The following MMP26 variants were observed in gnomAD, a reference collection of about 807,000 sequenced individuals.
MMP26 encodes the protein matrix metalloproteinase-26.
Under a neutral mutation model 31.0 loss-of-function variants are expected in MMP26, and 33 were observed. The ratio of observed to expected loss-of-function variants is 1.06; its 90% CI spans 0.81 to 1.42. MMP26 has a LOEUF of 1.42. MMP26 is among the 40% of genes most tolerant of loss of function. The probability of loss-of-function intolerance (pLI) is 0.00; values close to 1 mark genes in which losing one functional copy is unlikely to be tolerated. For synonymous variants in MMP26, 122 were observed against 114.9 expected (o/e 1.06, Z -0.40); for missense variants, 347 against 316.1 (o/e 1.10, Z -0.74).
intron 1 of MMP26, among the ~76,000 whole-genome samples, chr11:4,764,404 A>T (rs190395061): frequency 1.4e-3 from 207 of 152,270 alleles, no homozygotes; most frequent in Non-Finnish European, 9.3e-4. Context: ...CCTTTTTCTG[A>T]TAAGTGTCCC....
intron 2 of MMP26, chr11:4,944,175 C>A (rs1589946735): frequency 2.3e-6 from 1 of 430,888 alleles, no homozygotes; most frequent in Non-Finnish European, 4.6e-6. Flanking sequence ...TTGCCCTGAT[C>A]TGATGATAGG....
intron 2 of MMP26, chr11:4,859,812 G>A: frequency 2.1e-6 from 1 of 471,444 alleles, no homozygotes; most frequent in Non-Finnish European, 4.4e-6. Flanking sequence ...CATAGAAGAG[G>A]AGCACGGTAG....
chr11:4,813,983 G>T (rs543490123), intron 2 of MMP26, among the ~76,000 whole-genome samples: 3 of 152,100 alleles, frequency 2.0e-5, no homozygotes, highest in Admixed American at 1.3e-4. Context: ...TAAACAGGCC[G>T]TGTACAGCAA....
At chr11:4,726,340 G>A (rs1442825269) in intron 1 of MMP26, among the ~76,000 whole-genome samples, 4 of 151,406 alleles carry the variant, frequency 2.6e-5, no homozygotes, top group East Asian at 1.9e-4. Context: ...GCATGTGCCT[G>A]TAGTCCCAGC....
intron 2 of MMP26, among the ~76,000 whole-genome samples, chr11:4,887,880 G>C (rs1478134002): frequency 6.6e-6 from 1 of 152,046 alleles, no homozygotes; most frequent in Non-Finnish European, 1.5e-5. Context: ...GAATGTTTGA[G>C]GTCACAGAAA....
At chr11:4,891,480 A>C (rs1417955292) in intron 2 of MMP26, among the ~76,000 whole-genome samples, 3 of 152,196 alleles carry the variant, frequency 2.0e-5, no homozygotes, top group African/African-American at 7.2e-5. Flanking sequence ...CCCATCTCCA[A>C]CATTGGGAAT....
chr11:4,714,939 C>CAA (rs1847908072), intron 1 of MMP26, among the ~76,000 whole-genome samples: 1 of 152,002 alleles, frequency 6.6e-6, no homozygotes, highest in South Asian at 2.1e-4. Flanking sequence ...CACACACACA[C>CAA]ACACACACAC....
chr11:4,711,294 A>G (rs1215176416), intron 1 of MMP26: 2 of 152,236 alleles, frequency 1.3e-5, no homozygotes, highest in Non-Finnish European at 2.9e-5. Flanking sequence ...GTTAGTATAC[A>G]AAGTACTTAC....
chr11:4,755,611 T>A lies in MMP26; in HGVS notation c.-216-11659T>A, dbSNP rs138668826. ...GTATTAGCCCATGTACAAAAGAGAG[T>A]GAAATAAAACAGCACATTTTGGGAA... On this transcript the variant is annotated intron_variant, in intron 1 of 7. Transcript: ENST00000380390. Among the ~76,000 whole-genome samples the A allele has an allele frequency of 8.8e-4, 134 of 151,816 alleles. 1 individual carries two copies. The highest frequency in any genetic ancestry group is 3.0e-3 in the Admixed American group (45 of 15,246).
intron 2 of MMP26, among the ~76,000 whole-genome samples, chr11:4,802,657 T>C (rs1849199140): frequency 6.6e-6 from 1 of 152,162 alleles, no homozygotes; most frequent in African/African-American, 2.4e-5. Context: ...AAAAATACAC[T>C]AAAGTATAAA....
At chr11:4,870,295 G>A (rs1015248393) in intron 2 of MMP26, among the ~76,000 whole-genome samples, 6 of 152,004 alleles carry the variant, frequency 3.9e-5, no homozygotes, top group African/African-American at 1.4e-4. Flanking sequence ...TGTAAATAAT[G>A]TATTATCTTT....
intron 1 of MMP26, among the ~76,000 whole-genome samples, chr11:4,731,701 T>A (rs1488463860): frequency 6.6e-6 from 1 of 152,268 alleles, no homozygotes; most frequent in East Asian, 1.9e-4. Flanking sequence ...AAAGAGTTTT[T>A]GTGCATGTGT....
chr11:4,786,286 G>A (rs938768697), intron 2 of MMP26, among the ~76,000 whole-genome samples: 1 of 152,096 alleles, frequency 6.6e-6, no homozygotes, highest in African/African-American at 2.4e-5. Flanking sequence ...TCTGCATGAA[G>A]AGGAATAACT....
At chr11:4,744,699 A>G (rs1426494273) in intron 1 of MMP26, among the ~76,000 whole-genome samples, 5 of 152,212 alleles carry the variant, frequency 3.3e-5, no homozygotes, top group African/African-American at 4.8e-5. Context: ...GTCATTCTGC[A>G]TGCCCAAATC....
chr11:4,915,343 A>G, intron 2 of MMP26: 1 of 1,614,020 alleles, frequency 6.2e-7, no homozygotes. Flanking sequence ...AGTGAATGAA[A>G]AAGAGCTGAG....
At chr11:4,783,077 C>T (rs951162579) in intron 2 of MMP26, among the ~76,000 whole-genome samples, 10 of 152,248 alleles carry the variant, frequency 6.6e-5, no homozygotes, top group Admixed American at 1.3e-4. Flanking sequence ...CCTACTGGGG[C>T]ACCACCTAGT....
Position 4,953,797 on chromosome 11 carries a change from A to AT in MMP26, c.-144-34270dup, listed in dbSNP as rs1354114514. On this transcript the variant is annotated intron_variant, in intron 2 of 7. Transcript: ENST00000380390. The stretch of plus-strand genomic sequence containing the variant: ...CTTGGCGTGTTGGCTCACGCCTGTA[A>AT]TACCAGCACTTTGGGAGGCCAAGGC... 1.6e-5 allele frequency among the ~76,000 whole-genome samples: 2 copies of AT among 125,588 alleles called. 1 individual carries two copies. Among genetic ancestry groups the AT allele is most frequent in the Non-Finnish European group, 3.6e-5 (2 of 55,414 alleles). The allele number at this position is 125,588 out of a possible 152,430, so 82.4% of individuals were successfully genotyped here.
rs373041594 is a variant in MMP26 at position 4,948,564 on chromosome 11, G to A, written c.-144-39504G>A. On this transcript the variant is annotated intron_variant, in intron 2 of 7. Transcript: ENST00000380390. The stretch of plus-strand genomic sequence containing the variant: ...TGTATTATTTTTAGCATTCTAAACT[G>A]ACTACTAGTTGATTCTAGTGGATAA... Among the ~76,000 whole-genome samples, 33 of 123,878 alleles carry A rather than the reference G, an allele frequency of 2.7e-4. 5 individuals carry two copies. In the East Asian group the frequency reaches 7.6e-3, roughly 28 times the overall value. The allele number at this position is 123,878 out of a possible 152,430, so 81.3% of individuals were successfully genotyped here.
intron 2 of MMP26, chr11:4,847,434 A>AT (rs1252233105): frequency 1.3e-5 from 2 of 152,092 alleles, no homozygotes; most frequent in Non-Finnish European, 2.9e-5. Flanking sequence ...TATTTGTTCT[A>AT]TTTTTTCTGA....
Sources: gnomAD v4.1 joint callset for allele counts (sites outside exome capture counted in the v4.1 genomes callset) on GRCh38, gnomAD v4.1.1 for gene constraint, MANE v1.5 for transcripts, NCBI Gene and HGNC (gene_info 2026-07-23, HGNC 2026-07-21) for gene names.